The following TMEM181 variants were observed in gnomAD, a reference collection of about 807,000 sequenced individuals.
The protein encoded by TMEM181 is G protein-coupled receptor 178.
TMEM181 carries 39 observed loss-of-function variants against 71.9 expected under a neutral mutation model. The ratio of observed to expected loss-of-function variants is 0.54; its 90% CI spans 0.42 to 0.71. The LOEUF (loss-of-function observed/expected upper bound fraction) is 0.71, where lower values mean the gene tolerates loss of function less well. Ranked by LOEUF, TMEM181 falls within the 30% of genes least tolerant of loss-of-function variation. TMEM181 has a pLI of 0.00. For synonymous variants in TMEM181, 245 were observed against 228.8 expected (o/e 1.07, Z -0.64); for missense variants, 595 against 583.0 (o/e 1.02, Z -0.21).
chr6:158,606,830 C>T (rs879883772), intron 7 of TMEM181, among the ~76,000 whole-genome samples: 3 of 152,228 alleles, frequency 2.0e-5, no homozygotes, highest in African/African-American at 4.8e-5. Context: ...ACATGAGGCT[C>T]CTGTCACACC....
chr6:158,557,491 C>T (rs1456157775), upstream of TMEM181, among the ~76,000 whole-genome samples: 1 of 141,310 alleles, frequency 7.1e-6, no homozygotes, highest in Non-Finnish European at 1.5e-5. Context: ...ATTTCCTTTT[C>T]TATCACAGCT....
At chr6:158,539,837 G>C (rs140787766) in intron 1 of TMEM181, among the ~76,000 whole-genome samples, 303 of 152,258 alleles carry the variant, frequency 2.0e-3, no homozygotes, top group African/African-American at 6.3e-3. Flanking sequence ...GCTAACTGCC[G>C]GGCCTTGTGG....
At chr6:158,542,262 A>T (rs1781382146) in intron 1 of TMEM181, among the ~76,000 whole-genome samples, 1 of 152,186 alleles carries the variant, frequency 6.6e-6, no homozygotes, top group Non-Finnish European at 1.5e-5. Context: ...TCTCACGTAT[A>T]GTATTGGGCA....
upstream of TMEM181, among the ~76,000 whole-genome samples, chr6:158,559,685 T>C (rs1782040691): frequency 6.6e-6 from 1 of 152,210 alleles, no homozygotes; most frequent in Non-Finnish European, 1.5e-5. Context: ...TTTAACCTTT[T>C]TTGGGGTCAC....
intron 6 of TMEM181, among the ~76,000 whole-genome samples, chr6:158,594,877 G>A (rs182855764): frequency 4.6e-4 from 70 of 152,240 alleles, no homozygotes; most frequent in African/African-American, 1.5e-3. Flanking sequence ...TAGTAGAGAC[G>A]AGGTTTCACC....
chr6:158,624,953 C>CAGCGG, intron 11 of TMEM181, 151 bp from the exon 12 acceptor site: 1 of 684,562 alleles, frequency 1.5e-6, no homozygotes, highest in South Asian at 1.7e-5. Context: ...CAGATGGTCC[C>CAGCGG]GGCTGGGAGC....
At chr6:158,543,631 G>A (rs559920551) in intron 1 of TMEM181, among the ~76,000 whole-genome samples, 3 of 152,312 alleles carry the variant, frequency 2.0e-5, no homozygotes, top group South Asian at 4.1e-4. Context: ...TCATCTCCCT[G>A]TGTCTTCACA....
At chr6:158,627,559 G>C (rs1266346256) in intron 13 of TMEM181, among the ~76,000 whole-genome samples, 4 of 152,176 alleles carry the variant, frequency 2.6e-5, no homozygotes, top group Non-Finnish European at 4.4e-5. Context: ...CTGAGGACCT[G>C]AGGAGGAGCC....
chr6:158,537,588 C>T (rs1781171600), intron 1 of TMEM181, among the ~76,000 whole-genome samples: 1 of 152,192 alleles, frequency 6.6e-6, no homozygotes, highest in South Asian at 2.1e-4. Context: ...TGTTCACCGC[C>T]AATGGCCGAT....
intron 10 of TMEM181, chr6:158,611,411 TGTGGAGCCCTG>T: frequency 1.9e-6 from 1 of 539,220 alleles, no homozygotes; most frequent in South Asian, 1.4e-5. Context: ...GGTAGATCAT[TGTGGAGCCCTG>T]ATGTCGAAGT....
intron 4 of TMEM181, among the ~76,000 whole-genome samples, chr6:158,584,676 G>A (rs1783668524): frequency 6.6e-6 from 1 of 152,164 alleles, no homozygotes. Context: ...CACTCTGGTT[G>A]AGAAAGAATT....
intron 10 of TMEM181, among the ~76,000 whole-genome samples, chr6:158,611,984 C>CCA (rs1554228494): frequency 0.017 from 2,642 of 151,642 alleles, 255 homozygotes; most frequent in Admixed American, 0.15. Context: ...ATACCCCCCC[C>CCA]ACCTCCTAGT....
At chr6:158,550,179 G>A (rs1025073281) in intron 1 of TMEM181, among the ~76,000 whole-genome samples, 3 of 151,586 alleles carry the variant, frequency 2.0e-5, no homozygotes, top group African/African-American at 7.3e-5. Flanking sequence ...AACCCTTTCA[G>A]CCACATTTGG....
At chr6:158,617,319 C>T (rs977051960) in intron 10 of TMEM181, among the ~76,000 whole-genome samples, 20 of 152,154 alleles carry the variant, frequency 1.3e-4, no homozygotes, top group African/African-American at 3.9e-4. Context: ...TCTGTGGGTT[C>T]GGTGGTGATA....
At chr6:158,587,639 T>A (rs1582991275) in intron 5 of TMEM181, among the ~76,000 whole-genome samples, 1 of 152,030 alleles carries the variant, frequency 6.6e-6, no homozygotes, top group East Asian at 1.9e-4. Flanking sequence ...TTCCTTTTTT[T>A]TTTTTTTTCT....
intron 1 of TMEM181, among the ~76,000 whole-genome samples, chr6:158,548,032 C>T (rs780876218): frequency 6.6e-5 from 10 of 152,146 alleles, no homozygotes; most frequent in Non-Finnish European, 1.2e-4. Flanking sequence ...GCTCCTTCGC[C>T]CCACGCTGAC....
intron 2 of TMEM181, among the ~76,000 whole-genome samples, chr6:158,574,349 T>C (rs1783045758): frequency 6.6e-6 from 1 of 152,166 alleles, no homozygotes; most frequent in Non-Finnish European, 1.5e-5. Context: ...ATGGTGATAA[T>C]AGCAGCTGTA....
At chr6:158,615,187 G>A (rs1325323802) in intron 10 of TMEM181, among the ~76,000 whole-genome samples, 1 of 152,160 alleles carries the variant, frequency 6.6e-6, no homozygotes, top group Non-Finnish European at 1.5e-5. Context: ...ATTCTAACTG[G>A]TGTGAGTTGA....
intron 1 of TMEM181, among the ~76,000 whole-genome samples, chr6:158,571,976 T>C (rs1222286744): frequency 1.3e-5 from 2 of 152,256 alleles, no homozygotes; most frequent in African/African-American, 2.4e-5. Flanking sequence ...CCCAGCTCTC[T>C]TGTCTCATGT....
Sources: gnomAD v4.1 joint callset for allele counts (sites outside exome capture counted in the v4.1 genomes callset) on GRCh38, gnomAD v4.1.1 for gene constraint, MANE v1.5 for transcripts, NCBI Gene and HGNC (gene_info 2026-07-23, HGNC 2026-07-21) for gene names.